Variants in NUP43 observed in about 807,000 individuals in gnomAD.
The protein encoded by NUP43 is nucleoporin Nup43.
A neutral mutation model predicts 47.3 loss-of-function variants in NUP43; 32 were observed. The ratio of observed to expected loss-of-function variants is 0.68; its 90% CI spans 0.51 to 0.91. The LOEUF is 0.91. Ranked by LOEUF, NUP43 falls within the 40% of genes least tolerant of loss-of-function variation. NUP43 has a pLI of 0.00. For missense variants in NUP43, 444 were observed against 453.9 expected, an observed-to-expected ratio of 0.98 and a Z score of 0.20; for synonymous variants, 147 against 158.4, an observed-to-expected ratio of 0.93 and a Z score of 0.54.
At chr6:149,749,304 A>G (rs148229411), upstream of NUP43, 3,053 of 173,954 alleles carry the variant, frequency 0.018, 127 homozygotes, top group African/African-American at 0.069. Flanking sequence ...CCCAAATATT[A>G]GTCAACTGGG....
intron 6 of NUP43, among the ~76,000 whole-genome samples, chr6:149,733,312 C>A (rs1387889244): frequency 1.3e-5 from 2 of 152,136 alleles, no homozygotes; most frequent in Non-Finnish European, 2.9e-5. Flanking sequence ...GATCCAGTCT[C>A]AGATGGAGGG....
At position 149,727,082 on chromosome 6, in the gene NUP43, T is replaced by C; in HGVS notation, c.1030A>G (p.Ser344Gly). The change falls in exon 8 of 8, where the codon AGC (serine) becomes GGC (glycine). Residue 344 changes from serine to glycine, a missense_variant. Transcript: ENST00000340413. ...DPAKDRIEIT[S>G]LLPSRSLSVN... is the part of the protein sequence containing the mutation. ...GACAGAGACCTACTGGGAAGTAAGC[T>C]TGTGATTTCAATTCGGTCTTTTGCA... 6.2e-7 allele frequency: 1 copy of C among 1,614,142 alleles called. No homozygotes were observed. Among genetic ancestry groups the C allele is most frequent in the South Asian group, 1.1e-5 (1 of 91,080 alleles).
chr6:149,748,983 G>C (rs138163262), upstream of NUP43, among the ~76,000 whole-genome samples: 218 of 152,250 alleles, frequency 1.4e-3, 1 homozygote, highest in African/African-American at 5.1e-3. Flanking sequence ...TGGAATTTGT[G>C]AGGCTTAATT....
intron 4 of NUP43, among the ~76,000 whole-genome samples, chr6:149,741,548 A>G (rs1785655140): frequency 6.6e-6 from 1 of 150,980 alleles, no homozygotes; most frequent in African/African-American, 2.4e-5. Context: ...TCTCTGTCAC[A>G]AGGCTAGCGT....
At chr6:149,727,575 CTT>C in intron 7 of NUP43, 1 of 913,726 alleles carries the variant, frequency 1.1e-6, no homozygotes, top group Non-Finnish European at 1.3e-6. Flanking sequence ...AATATAAACT[CTT>C]GGGTAATAAC....
Position 149,733,533 on chromosome 6 carries a change from C to T in NUP43, c.791-1798G>A, listed in dbSNP as rs552313606. The stretch of plus-strand genomic sequence containing the variant: ...TGGTCATGGCTCACTGCAGCCTTGA[C>T]CTCCAAGGCTTAAGCAATCCGCCTA... On this transcript the variant is annotated intron_variant, in intron 6 of 7. Transcript: ENST00000340413. Among the ~76,000 whole-genome samples the T allele has an allele frequency of 4.6e-5, 7 of 151,644 alleles. No homozygotes were observed. The South Asian group carries it at 1.5e-3, about 32-fold the overall frequency.
At chr6:149,727,751 G>A in intron 7 of NUP43, 1 of 983,030 alleles carries the variant, frequency 1.0e-6, no homozygotes, top group Non-Finnish European at 1.2e-6. Context: ...CTTACAAGCA[G>A]ATTAGAACAC....
chr6:149,732,274 A>G (rs1261107673), intron 6 of NUP43, among the ~76,000 whole-genome samples: 3 of 152,056 alleles, frequency 2.0e-5, no homozygotes, highest in African/African-American at 7.2e-5. Context: ...AGCCAGGCAC[A>G]GTGGCTCATG....
At position 149,727,151 on chromosome 6, in the gene NUP43, T is replaced by C. The variant is rs1276916101; in HGVS notation, c.961A>G (p.Asn321Asp). 1.2e-6 allele frequency: 2 copies of C among 1,614,124 alleles called. No homozygotes were observed. Among genetic ancestry groups the C allele is most frequent in the Non-Finnish European group, 1.7e-6 (2 of 1,180,002 alleles). Residue 321 changes from asparagine (N) to aspartate (D), a missense_variant, in exon 8 of 8, where the codon AAT becomes GAT. Coordinates refer to ENST00000340413, the MANE Select transcript of NUP43 (RefSeq NM_198887.3). ...GAGCTAATGACAGACTGGTGAACAT[T>C]AGCTTGGTTACTAATGCTATGAGAC... ...FLSHSISNQANVHQSVISSWL... is the reference protein window; with the variant it reads ...FLSHSISNQADVHQSVISSWL...
At chr6:149,729,544 A>G in intron 7 of NUP43, 1 of 983,860 alleles carries the variant, frequency 1.0e-6, no homozygotes, top group Non-Finnish European at 1.2e-6. Flanking sequence ...CTTTTACAGC[A>G]TTTTCAACAG....
chr6:149,731,766 T>C (rs775282675), intron 6 of NUP43, 31 bp from the exon 7 acceptor site: 3 of 1,606,952 alleles, frequency 1.9e-6, no homozygotes, highest in South Asian at 1.1e-5. Flanking sequence ...AGCTCATTCC[T>C]GTGCAGATTC....
chr6:149,730,198 G>A (rs1784963463), intron 7 of NUP43, among the ~76,000 whole-genome samples: 1 of 151,302 alleles, frequency 6.6e-6, no homozygotes, highest in South Asian at 2.1e-4. Flanking sequence ...TAGTAGAGAC[G>A]GGGTTTCTCC....
Position 149,731,009 on chromosome 6 carries a change from G to A in NUP43, c.913+604C>T, listed in dbSNP as rs139152479. Among the ~76,000 whole-genome samples, 234 of 152,236 alleles carry A rather than the reference G, an allele frequency of 1.5e-3. 1 individual carries two copies. The highest frequency in any genetic ancestry group is 5.2e-3 in the African/African-American group (218 of 41,558). Reference sequence around the variant, plus strand: ...AGGCTGGGCACAGTGGCTCATGCCTGTAATCCCAGCACTTTGGGGAGGCTG... The same window carrying A: ...AGGCTGGGCACAGTGGCTCATGCCTATAATCCCAGCACTTTGGGGAGGCTG... On this transcript the variant is annotated intron_variant, in intron 7 of 7. Transcript: ENST00000340413.
At chr6:149,746,280 A>T in intron 1 of NUP43, 96 bp downstream of exon 1, 1 of 1,535,358 alleles carries the variant, frequency 6.5e-7, no homozygotes, top group Non-Finnish European at 8.9e-7. Flanking sequence ...AAGTGCGAGA[A>T]GAACCAGAAG....
chr6:149,731,814 C>T, intron 6 of NUP43, 79 bp from the exon 7 acceptor site: 3 of 1,452,948 alleles, frequency 2.1e-6, no homozygotes, highest in South Asian at 1.2e-5. Flanking sequence ...CTCTAGGCAT[C>T]ATCTTCCATT....
At chr6:149,739,260 G>C (rs906247189) in intron 4 of NUP43, among the ~76,000 whole-genome samples, 1 of 151,824 alleles carries the variant, frequency 6.6e-6, no homozygotes, top group Non-Finnish European at 1.5e-5. Flanking sequence ...TTACAGGCTT[G>C]AGCCACCACG....
chr6:149,746,664 G>A (rs754147526), upstream of NUP43: 13 of 1,557,740 alleles, frequency 8.3e-6, no homozygotes, highest in South Asian at 8.1e-5. Context: ...TACCTAGACT[G>A]AGAGGCCCAC....
intron 4 of NUP43, among the ~76,000 whole-genome samples, chr6:149,742,182 A>G (rs2115144406): frequency 6.6e-6 from 1 of 152,282 alleles, no homozygotes; most frequent in African/African-American, 2.4e-5. Context: ...ATGTGCCACC[A>G]TGCCCAGCAA....
chr6:149,745,457 G>C (rs1419989036), intron 2 of NUP43, among the ~76,000 whole-genome samples: 2 of 151,040 alleles, frequency 1.3e-5, no homozygotes, highest in Non-Finnish European at 2.9e-5. Context: ...TACTGGTTTT[G>C]AGACTTTGGC....
Sources: allele counts gnomAD v4.1 joint callset (sites outside exome capture counted in the v4.1 genomes callset), GRCh38; gene constraint gnomAD v4.1.1; transcripts MANE v1.5; gene names NCBI Gene and HGNC (gene_info 2026-07-23, HGNC 2026-07-21).